The following KLHL29 variants were observed in gnomAD, a reference collection of about 807,000 sequenced individuals.
KLHL29 encodes the protein kelch like family member 29.
Under a neutral mutation model 80.4 loss-of-function variants are expected in KLHL29, and 21 were observed. That is an observed-to-expected ratio of 0.26 (90% CI 0.19 to 0.38). The LOEUF is 0.38. Ranked by LOEUF, KLHL29 falls within the 10% of genes least tolerant of loss-of-function variation. The probability of loss-of-function intolerance (pLI) is 1.00; values close to 1 mark genes in which losing one functional copy is unlikely to be tolerated. For synonymous variants in KLHL29, 511 were observed against 526.8 expected, an observed-to-expected ratio of 0.97 and a Z score of 0.41; for missense variants, 867 against 1,223.9, an observed-to-expected ratio of 0.71 and a Z score of 4.35.
At chr2:23,516,076 C>G (rs1169897070) in intron 2 of KLHL29, among the ~76,000 whole-genome samples, 1 of 152,230 alleles carries the variant, frequency 6.6e-6, no homozygotes, top group Non-Finnish European at 1.5e-5. Context: ...GGTCCCCTCT[C>G]CCTCCTAGAG....
intron 1 of KLHL29, among the ~76,000 whole-genome samples, chr2:23,461,883 C>A (rs1292226724): frequency 6.6e-6 from 1 of 151,828 alleles, no homozygotes. Flanking sequence ...AGAAGTGACA[C>A]CCGCTTCTGA....
chr2:23,473,162 C>T (rs778545442), intron 1 of KLHL29, among the ~76,000 whole-genome samples: 9 of 152,104 alleles, frequency 5.9e-5, no homozygotes, highest in South Asian at 4.2e-4. Context: ...CTCATGAAGA[C>T]GCAGAGAGGG....
At chr2:23,519,639 C>T (rs1367050285) in intron 2 of KLHL29, among the ~76,000 whole-genome samples, 1 of 152,156 alleles carries the variant, frequency 6.6e-6, no homozygotes, top group Non-Finnish European at 1.5e-5. Context: ...GTTGAGGACT[C>T]GCCTGTGACA....
At chr2:23,637,864 G>T (rs1433481682) in intron 3 of KLHL29, among the ~76,000 whole-genome samples, 1 of 151,950 alleles carries the variant, frequency 6.6e-6, no homozygotes, top group Non-Finnish European at 1.5e-5. Context: ...AGATGCCCCG[G>T]AGGCTCCTGT....
chr2:23,394,334 G>T (rs1361012558), intron 1 of KLHL29, among the ~76,000 whole-genome samples: 2 of 152,122 alleles, frequency 1.3e-5, no homozygotes, highest in Non-Finnish European at 2.9e-5. Context: ...TCTAAATGAG[G>T]GTAGATTGAA....
chr2:23,544,657 G>C (rs1666936164), intron 2 of KLHL29, among the ~76,000 whole-genome samples: 2 of 152,216 alleles, frequency 1.3e-5, no homozygotes, highest in South Asian at 4.1e-4. Flanking sequence ...ACAATAGGAT[G>C]GGCAGAGAAG....
intron 1 of KLHL29, among the ~76,000 whole-genome samples, chr2:23,464,413 C>T (rs542510789): frequency 3.9e-5 from 6 of 152,250 alleles, no homozygotes; most frequent in African/African-American, 1.4e-4. Context: ...CAGCTGCCTT[C>T]GGGGGGGATA....
intron 1 of KLHL29, among the ~76,000 whole-genome samples, chr2:23,430,490 T>A (rs1203500692): frequency 6.6e-6 from 1 of 152,154 alleles, no homozygotes; most frequent in Non-Finnish European, 1.5e-5. Context: ...CTGCCTTAGC[T>A]CAGAGCCCAG....
At position 23,639,297 on chromosome 2, in the gene KLHL29, C is replaced by T. The variant is rs1669702211; in HGVS notation, c.427+17C>T. ...ACAATCCAGGTACGTACCTCATCGG[C>T]AGATAGAAACGACTGAGCCCAGGGC... On this transcript the variant is annotated intron_variant, in intron 4 of 13. Transcript: ENST00000486442. The T allele has an allele frequency of 6.5e-7, 1 of 1,542,976 alleles. No individual in the cohort carries two copies. The highest frequency in any genetic ancestry group is 8.7e-7 in the Non-Finnish European group (1 of 1,143,838).
chr2:23,606,156 ATG>A (rs1401712947), intron 3 of KLHL29, among the ~76,000 whole-genome samples: 2 of 131,414 alleles, frequency 1.5e-5, no homozygotes, highest in Admixed American at 7.9e-5. Flanking sequence ...GTGTGTGTGT[ATG>A]TGTGTGTGTG....
At chr2:23,479,202 A>G (rs1247618617) in intron 2 of KLHL29, among the ~76,000 whole-genome samples, 3 of 151,274 alleles carry the variant, frequency 2.0e-5, no homozygotes, top group Non-Finnish European at 2.9e-5. Context: ...TCAAATAGGT[A>G]TGTGGGCGCT....
chr2:23,481,459 C>T (rs1337674427), intron 2 of KLHL29, among the ~76,000 whole-genome samples: 1 of 152,238 alleles, frequency 6.6e-6, no homozygotes, highest in Non-Finnish European at 1.5e-5. Context: ...TTTTCTCTGG[C>T]TGGGATCTGG....
At chr2:23,622,728 C>T (rs1669214683) in intron 3 of KLHL29, among the ~76,000 whole-genome samples, 4 of 152,220 alleles carry the variant, frequency 2.6e-5, no homozygotes, top group Admixed American at 2.0e-4. Context: ...GAGCATTCAA[C>T]CGGACGCCAG....
At chr2:23,397,509 G>C (rs558636649) in intron 1 of KLHL29, among the ~76,000 whole-genome samples, 2 of 152,208 alleles carry the variant, frequency 1.3e-5, no homozygotes, top group African/African-American at 4.8e-5. Context: ...ATACCTTCCC[G>C]AATGCCTGGT....
chr2:23,603,217 C>G (rs570206338), intron 3 of KLHL29, among the ~76,000 whole-genome samples: 1 of 152,122 alleles, frequency 6.6e-6, no homozygotes, highest in South Asian at 2.1e-4. Flanking sequence ...AAATGCCCAC[C>G]CTGTAGGAGT....
At chr2:23,502,772 G>T (rs912974250) in intron 2 of KLHL29, among the ~76,000 whole-genome samples, 1 of 152,154 alleles carries the variant, frequency 6.6e-6, no homozygotes, top group Non-Finnish European at 1.5e-5. Flanking sequence ...TGGGGGACCT[G>T]TGGGGTTCCC....
chr2:23,572,048 A>G (rs921672489), intron 3 of KLHL29, among the ~76,000 whole-genome samples: 31 of 152,166 alleles, frequency 2.0e-4, no homozygotes, highest in Admixed American at 1.8e-3. Context: ...GGATCCTGCT[A>G]TCTGTTGCTT....
intron 3 of KLHL29, chr2:23,616,648 T>C (rs1366464513): frequency 3.3e-5 from 5 of 152,240 alleles, no homozygotes; most frequent in Non-Finnish European, 7.3e-5. Context: ...GGTCATGGGC[T>C]TGGCACCCAT....
Position 23,691,696 on chromosome 2 carries a change from G to A in KLHL29, c.1102G>A (p.Gly368Ser), listed in dbSNP as rs1460158563. 4 of 1,551,776 alleles carry A rather than the reference G, an allele frequency of 2.6e-6. No homozygotes were observed. Among genetic ancestry groups the A allele is most frequent in the Non-Finnish European group, 3.5e-6 (4 of 1,147,014 alleles). ...TAGGTCCGTGCAAGACAGCGGCCAGGGCGGCCGGGAGAAGCTGGAGCTCGT... is the reference window on the plus strand; with the variant it reads ...TAGGTCCGTGCAAGACAGCGGCCAGAGCGGCCGGGAGAAGCTGGAGCTCGT... ...IQRSVQDSGQ[G>S]GREKLELVLS... Residue 368 changes from glycine to serine, a missense_variant, in exon 7 of 14, where the codon GGC becomes AGC. Gly to Ser is a moderately conservative substitution (Grantham distance 56). Around this residue, in one of 2 missense-constraint regions of KLHL29, gnomAD observed 443 missense variants for 767.0 expected, o/e 0.58. Transcript: ENST00000486442.
Sources: allele counts gnomAD v4.1 joint callset (sites outside exome capture counted in the v4.1 genomes callset), GRCh38; gene constraint gnomAD v4.1.1; regional missense constraint gnomAD v4.1.1; transcripts MANE v1.5; gene names NCBI Gene and HGNC (gene_info 2026-07-23, HGNC 2026-07-21).